CTNNA3: variants seen among roughly 807,000 people sequenced by gnomAD.
CTNNA3 encodes the protein catenin alpha-3.
A neutral mutation model predicts 95.7 loss-of-function variants in CTNNA3; 76 were observed. That is an observed-to-expected ratio of 0.79 (90% CI 0.66 to 0.96). The LOEUF (loss-of-function observed/expected upper bound fraction) is 0.96. Ranked by LOEUF, CTNNA3 falls within the 40% of genes least tolerant of loss-of-function variation. The pLI, the probability that CTNNA3 is intolerant of heterozygous loss-of-function variation, is 0.00. For synonymous variants in CTNNA3, 431 were observed against 374.4 expected (o/e 1.15, Z -1.74); for missense variants, 1,191 against 1,089.8 (o/e 1.09, Z -1.31).
intron 13 of CTNNA3, among the ~76,000 whole-genome samples, chr10:66,209,666 T>C (rs2088006351): frequency 6.6e-6 from 1 of 152,062 alleles, no homozygotes; most frequent in Non-Finnish European, 1.5e-5. Context: ...TTGAAGAGCA[T>C]GAAAAAAATA....
At chr10:66,821,190 G>GA (rs1313763746) in intron 7 of CTNNA3, among the ~76,000 whole-genome samples, 3 of 151,962 alleles carry the variant, frequency 2.0e-5, no homozygotes, top group Non-Finnish European at 4.4e-5. Flanking sequence ...TGACGTATTT[G>GA]AAAAAAATTG....
intron 15 of CTNNA3, among the ~76,000 whole-genome samples, chr10:66,013,632 T>C (rs2079044354): frequency 6.6e-6 from 1 of 152,214 alleles, no homozygotes; most frequent in South Asian, 2.1e-4. Flanking sequence ...GAAGTAAAAA[T>C]ATTTTTCTAT....
intron 5 of CTNNA3, among the ~76,000 whole-genome samples, chr10:67,446,355 C>T (rs1846748029): frequency 6.6e-6 from 1 of 152,154 alleles, no homozygotes; most frequent in African/African-American, 2.4e-5. Context: ...ACTCTCAATG[C>T]AGCAGATAGG....
intron 3 of CTNNA3, among the ~76,000 whole-genome samples, chr10:67,569,547 G>A (rs1027847088): frequency 3.9e-5 from 6 of 152,118 alleles, no homozygotes; most frequent in Admixed American, 3.9e-4. Flanking sequence ...AATCAGAGGT[G>A]TGATTCTTAT....
At chr10:66,313,102 A>G (rs1475737348) in intron 12 of CTNNA3, among the ~76,000 whole-genome samples, 2 of 152,342 alleles carry the variant, frequency 1.3e-5, no homozygotes, top group East Asian at 3.9e-4. Context: ...CTTATTTAAA[A>G]TAATAAAACC....
chr10:66,642,633 C>T (rs184643278), intron 9 of CTNNA3, among the ~76,000 whole-genome samples: 85 of 152,156 alleles, frequency 5.6e-4, no homozygotes, highest in African/African-American at 1.8e-3. Context: ...AATATAAATG[C>T]CCGCCATTTT....
At chr10:67,208,926 G>C (rs1357121208) in intron 6 of CTNNA3, among the ~76,000 whole-genome samples, 1 of 152,066 alleles carries the variant, frequency 6.6e-6, no homozygotes, top group Non-Finnish European at 1.5e-5. Context: ...AATTGAATCA[G>C]AGTAGACACT....
At chr10:66,476,948 T>C (rs1162674068) in intron 11 of CTNNA3, among the ~76,000 whole-genome samples, 1 of 152,106 alleles carries the variant, frequency 6.6e-6, no homozygotes, top group Non-Finnish European at 1.5e-5. Context: ...TCACTGACTA[T>C]CAAACATTCA....
intron 1 of CTNNA3, among the ~76,000 whole-genome samples, chr10:67,749,975 A>C (rs1051175305): frequency 2.0e-5 from 3 of 152,130 alleles, no homozygotes; most frequent in Non-Finnish European, 4.4e-5. Context: ...ACTCTTCACA[A>C]TAAATTTGCT....
intron 4 of CTNNA3, among the ~76,000 whole-genome samples, chr10:67,522,735 A>C (rs1840024875): frequency 6.6e-6 from 1 of 151,860 alleles, no homozygotes; most frequent in Non-Finnish European, 1.5e-5. Flanking sequence ...GTCTGCTACT[A>C]ATAATTAATT....
chr10:66,597,617 A>G (rs933239450), intron 10 of CTNNA3, among the ~76,000 whole-genome samples: 4 of 148,756 alleles, frequency 2.7e-5, no homozygotes, highest in African/African-American at 9.8e-5. Context: ...AACTCTGAAC[A>G]CAGAAAGAGA....
intron 5 of CTNNA3, among the ~76,000 whole-genome samples, chr10:67,358,414 C>T (rs544861863): frequency 6.6e-6 from 1 of 152,106 alleles, no homozygotes; most frequent in South Asian, 2.1e-4. Context: ...GGTAAACCAT[C>T]ACACTTTGCA....
chr10:66,385,550 C>G (rs1340865301), intron 11 of CTNNA3, among the ~76,000 whole-genome samples: 1 of 152,070 alleles, frequency 6.6e-6, no homozygotes, highest in African/African-American at 2.4e-5. Context: ...GAAACTATTC[C>G]AATCAACAGA....
At position 67,391,194 on chromosome 10, in the gene CTNNA3, A is replaced by G. The variant is rs533396725; in HGVS notation, c.579+130648T>C. Among the ~76,000 whole-genome samples the G allele has an allele frequency of 1.3e-4, 20 of 152,260 alleles. No homozygotes were observed. The South Asian group carries it at 4.1e-3, about 32-fold the overall frequency. On this transcript the variant is annotated intron_variant, in intron 5 of 17. Transcript: ENST00000433211. ...CCAAAATCTCCTTAAGCTGATAAGC[A>G]ACTTCAGCAAAGTCTCAGGATACAA...
chr10:65,959,682 A>G (rs180677433), intron 17 of CTNNA3, among the ~76,000 whole-genome samples: 1 of 152,062 alleles, frequency 6.6e-6, no homozygotes, highest in Non-Finnish European at 1.5e-5. Context: ...ACACCACCAC[A>G]CCTGGCTAAT....
intron 10 of CTNNA3, among the ~76,000 whole-genome samples, chr10:66,597,554 A>ATT (rs1161716695): frequency 4.6e-5 from 6 of 130,298 alleles, no homozygotes; most frequent in African/African-American, 1.7e-4. Flanking sequence ...ATATATATAT[A>ATT]TTTATTAAAA....
chr10:66,684,008 T>C (rs1847159912), intron 9 of CTNNA3, among the ~76,000 whole-genome samples: 1 of 152,180 alleles, frequency 6.6e-6, no homozygotes, highest in African/African-American at 2.4e-5. Context: ...TAAAGTTTAT[T>C]TCAGGGGCTG....
intron 12 of CTNNA3, among the ~76,000 whole-genome samples, chr10:66,328,980 C>T (rs2092292683): frequency 7.3e-6 from 1 of 136,126 alleles, no homozygotes; most frequent in African/African-American, 2.7e-5. Flanking sequence ...GATGGAGTTT[C>T]ACTCTTGTTG....
At chr10:67,381,261 C>T (rs961384650) in intron 5 of CTNNA3, among the ~76,000 whole-genome samples, 4 of 152,100 alleles carry the variant, frequency 2.6e-5, no homozygotes, top group African/African-American at 7.2e-5. Flanking sequence ...AATGAAACTA[C>T]GTGTAAGGAG....
Sources: gnomAD v4.1 joint callset for allele counts (sites outside exome capture counted in the v4.1 genomes callset) on GRCh38, gnomAD v4.1.1 for gene constraint, MANE v1.5 for transcripts, NCBI Gene and HGNC (gene_info 2026-07-23, HGNC 2026-07-21) for gene names.